Variants in AKAP14 observed in about 807,000 individuals in gnomAD.
AKAP14 encodes the protein A-kinase anchor protein 14.
Under a neutral mutation model 17.0 loss-of-function variants are expected in AKAP14, and 4 were observed. That is an observed-to-expected ratio of 0.23 (90% CI 0.12 to 0.54). The LOEUF (loss-of-function observed/expected upper bound fraction) is 0.54, where lower values mean the gene tolerates loss of function less well. Ranked by LOEUF, AKAP14 falls within the 20% of genes least tolerant of loss-of-function variation. The pLI is 0.95. For missense variants in AKAP14, 129 were observed against 150.9 expected, an observed-to-expected ratio of 0.85 and a Z score of 0.76; for synonymous variants, 42 against 51.3, an observed-to-expected ratio of 0.82 and a Z score of 0.77.
Position 119,899,503 on chromosome X carries a change from G to A in AKAP14, c.-11+3236G>A, listed in dbSNP as rs1198267746. The stretch of plus-strand genomic sequence containing the variant: ...TAACAGTGGGCCTAAAACGTTGAGG[G>A]GAGAGAATGCTTACCCTTACCACAC... On this transcript the variant is annotated intron_variant, in intron 2 of 6. Transcript: ENST00000371431. Among the ~76,000 whole-genome samples the A allele has an allele frequency of 6.3e-5, 7 of 111,763 alleles. No homozygotes were observed. In the Admixed American group the frequency reaches 6.7e-4, roughly 11 times the overall value.
rs181426622 is a variant in AKAP14, at chrX:119,908,533, T to G, written c.261+4947T>G. Among the ~76,000 whole-genome samples, 179 of 111,676 alleles carry G rather than the reference T, an allele frequency of 1.6e-3. 2 individuals carry two copies. Among genetic ancestry groups the G allele is most frequent in the Non-Finnish European group, 2.3e-3 (120 of 53,164 alleles). The stretch of plus-strand genomic sequence containing the variant: ...GCCCAGTGAGCAAAAAGATACAAAT[T>G]AGAAAATGAAATTACCCAAAATACC... On this transcript the variant is annotated intron_variant, in intron 4 of 6. Coordinates refer to ENST00000371431, the MANE Select transcript of AKAP14 (RefSeq NM_178813.6).
chrX:119,914,877 C>A lies in AKAP14; in HGVS notation c.440C>A (p.Pro147Gln), dbSNP rs141817518. 8.3e-7 allele frequency: 1 copy of A among 1,202,357 alleles called. No homozygotes were observed. The highest frequency in any genetic ancestry group is 1.1e-6 in the Non-Finnish European group (1 of 889,860). Residue 147 changes from proline to glutamine, a missense_variant and splice_region_variant, in exon 5 of 7, where the codon CCG (proline) becomes CAG (glutamine). Coordinates refer to ENST00000371431, the MANE Select transcript of AKAP14 (RefSeq NM_178813.6). ...ATGAAGGTCTCCAAAACCAAACCACCGGTAAGTTCTTCTTTTTCTCCCTTC... is the reference window on the plus strand; with the variant it reads ...ATGAAGGTCTCCAAAACCAAACCACAGGTAAGTTCTTCTTTTTCTCCCTTC... ...FTMKVSKTKP[P>Q]DAPIVVSYVG...
Position 119,897,388 on chromosome X carries a change from T to C in AKAP14, c.-11+1121T>C, listed in dbSNP as rs188645688. The stretch of plus-strand genomic sequence containing the variant: ...GTTAGCCAGGATGGTCTCGATCTCC[T>C]GACCTCGTGATCCGCCCGCCTTGGC... On this transcript the variant is annotated intron_variant, in intron 2 of 6. Transcript: ENST00000371431. Among the ~76,000 whole-genome samples the C allele has an allele frequency of 3.7e-3, 395 of 107,650 alleles. 1 individual carries two copies. Among genetic ancestry groups the C allele is most frequent in the African/African-American group, 0.013 (375 of 29,580 alleles). The allele number at this position is 107,650 out of a possible 115,157, so 93.5% of individuals were successfully genotyped here. A position where few individuals can be genotyped will look rare whatever the true frequency, so the allele number is the denominator to read the frequency against.
chrX:119,903,163 T>G, intron 2 of AKAP14, 51 bp from the exon 3 acceptor site: 1 of 1,115,083 alleles, frequency 9.0e-7, no homozygotes. Context: ...TATGAGTGCG[T>G]TCACATGTGT....
At chrX:119,896,938 T>C (rs1489877702) in intron 2 of AKAP14, among the ~76,000 whole-genome samples, 1 of 105,283 alleles carries the variant, frequency 9.5e-6, no homozygotes, top group East Asian at 3.0e-4. Flanking sequence ...GCCTCCCGAG[T>C]AGCTGGGACG....
At chrX:119,910,992 CA>C (rs763868106) in intron 4 of AKAP14, among the ~76,000 whole-genome samples, 1 of 106,625 alleles carries the variant, frequency 9.4e-6, no homozygotes, top group Non-Finnish European at 1.9e-5. Context: ...GAAATGAACA[CA>C]TTTTTTTTGT....
chrX:119,906,536 CTTT>C (rs34286142), intron 4 of AKAP14, among the ~76,000 whole-genome samples: 2 of 88,969 alleles, frequency 2.2e-5, no homozygotes, highest in Admixed American at 1.3e-4. Context: ...CCCGGCCCTT[CTTT>C]TTTTTTTTTT....
At chrX:119,909,323 C>T (rs1307889973) in intron 4 of AKAP14, among the ~76,000 whole-genome samples, 1 of 108,545 alleles carries the variant, frequency 9.2e-6, no homozygotes, top group Non-Finnish European at 1.9e-5. Context: ...TCCGTCTCTA[C>T]TATATGTGCT....
At chrX:119,902,195 C>T (rs1197668478) in intron 2 of AKAP14, among the ~76,000 whole-genome samples, 1 of 107,173 alleles carries the variant, frequency 9.3e-6, no homozygotes, top group Non-Finnish European at 1.9e-5. Flanking sequence ...CCTGCCTCAG[C>T]CTCCTGTGTA....
At chrX:119,911,271 T>C (rs983830023) in intron 4 of AKAP14, among the ~76,000 whole-genome samples, 2 of 107,811 alleles carry the variant, frequency 1.9e-5, no homozygotes, top group Non-Finnish European at 3.9e-5. Flanking sequence ...GGAGAATTGT[T>C]TGAACTTGGA....
intron 2 of AKAP14, among the ~76,000 whole-genome samples, chrX:119,898,359 G>C (rs994375651): frequency 1.8e-5 from 2 of 112,132 alleles, no homozygotes; most frequent in African/African-American, 6.5e-5. Flanking sequence ...AAGCTAAAAT[G>C]AACAATAGCC....
chrX:119,920,477 T>A (rs1233400719), intron 6 of AKAP14, 31 bp from the exon 7 acceptor site: 1 of 1,111,534 alleles, frequency 9.0e-7, no homozygotes. Flanking sequence ...TTAAAAATAC[T>A]TTAAAAGTGT....
intron 5 of AKAP14, among the ~76,000 whole-genome samples, chrX:119,918,838 C>T (rs1176585043): frequency 8.9e-6 from 1 of 111,935 alleles, no homozygotes; most frequent in African/African-American, 3.2e-5. Context: ...TCTTTGCCTT[C>T]CCATCCTTTC....
At chrX:119,914,954 C>T (rs2056649392) in intron 5 of AKAP14, 76 bp downstream of exon 5, 1 of 1,015,218 alleles carries the variant, frequency 9.9e-7, no homozygotes, top group Admixed American at 2.7e-5. Flanking sequence ...CATCAATAAC[C>T]CCATTTTTAC....
intron 2 of AKAP14, among the ~76,000 whole-genome samples, chrX:119,901,757 C>A (rs1396183377): frequency 9.3e-6 from 1 of 107,850 alleles, no homozygotes; most frequent in Non-Finnish European, 1.9e-5. Context: ...CGCCTGTAAT[C>A]CCAGCACTTT....
intron 5 of AKAP14, among the ~76,000 whole-genome samples, chrX:119,917,577 C>G (rs1336992152): frequency 9.2e-6 from 1 of 108,810 alleles, no homozygotes; most frequent in East Asian, 2.9e-4. Context: ...TGCACTCCAG[C>G]CTGGGTACCA....
chrX:119,905,999 C>T (rs762957402), intron 4 of AKAP14, among the ~76,000 whole-genome samples: 1 of 111,523 alleles, frequency 9.0e-6, no homozygotes, highest in Non-Finnish European at 1.9e-5. Flanking sequence ...TACACAGATG[C>T]TCAATAACTC....
chrX:119,920,026 C>A, intron 6 of AKAP14, 63 bp downstream of exon 6: 2 of 1,091,242 alleles, frequency 1.8e-6, no homozygotes, highest in East Asian at 6.0e-5. Context: ...CTCCAGGAAT[C>A]CAGCAGTTGC....
chrX:119,908,294 A>AG (rs1438822124), intron 4 of AKAP14, among the ~76,000 whole-genome samples: 1 of 101,430 alleles, frequency 9.9e-6, no homozygotes, highest in African/African-American at 3.6e-5. Context: ...CAAAAAAAAA[A>AG]AAAAAAAAGA....
Sources: allele counts gnomAD v4.1 joint callset (sites outside exome capture counted in the v4.1 genomes callset), GRCh38; gene constraint gnomAD v4.1.1; transcripts MANE v1.5; gene names NCBI Gene and HGNC (gene_info 2026-07-23, HGNC 2026-07-21).